The following CADM2 variants were observed in gnomAD, a reference collection of about 807,000 sequenced individuals.
The protein encoded by CADM2 is cell adhesion molecule 2.
CADM2 carries 12 observed loss-of-function variants against 49.8 expected under a neutral mutation model. The observed-to-expected ratio is 0.24, with a 90% CI of 0.15 to 0.39. The LOEUF (loss-of-function observed/expected upper bound fraction) is 0.39, where lower values mean the gene tolerates loss of function less well. Ranked by LOEUF, CADM2 falls within the 10% of genes least tolerant of loss-of-function variation. The pLI is 1.00. For synonymous variants in CADM2, 214 were observed against 175.4 expected (o/e 1.22, Z -1.74); for missense variants, 378 against 492.3 (o/e 0.77, Z 2.20).
intron 1 of CADM2, among the ~76,000 whole-genome samples, chr3:85,666,484 G>C (rs2065572948): frequency 6.6e-6 from 1 of 151,804 alleles, no homozygotes; most frequent in African/African-American, 2.4e-5. Flanking sequence ...TGTAACAAAA[G>C]AGAGATTAAG....
chr3:85,386,150 G>A (rs1372102438), intron 1 of CADM2, among the ~76,000 whole-genome samples: 1 of 152,088 alleles, frequency 6.6e-6, no homozygotes, highest in Non-Finnish European at 1.5e-5. Flanking sequence ...AGAGACCACA[G>A]GCCTCTGGAG....
intron 1 of CADM2, among the ~76,000 whole-genome samples, chr3:85,622,984 A>G (rs904164117): frequency 3.9e-5 from 6 of 152,134 alleles, no homozygotes; most frequent in African/African-American, 1.2e-4. Flanking sequence ...ATAGGTGAGT[A>G]TCAGAAGTGG....
intron 1 of CADM2, among the ~76,000 whole-genome samples, chr3:84,961,034 T>C (rs551720794): frequency 6.6e-6 from 1 of 152,306 alleles, no homozygotes; most frequent in South Asian, 2.1e-4. Flanking sequence ...TTTGCCTGCC[T>C]CTAATCCTTC....
chr3:86,066,469 T>C (rs1739355998), intron 9 of CADM2, among the ~76,000 whole-genome samples, 196 bp from the exon 10 acceptor site: 1 of 151,982 alleles, frequency 6.6e-6, no homozygotes, highest in Admixed American at 6.6e-5. Flanking sequence ...CTCTTGCCTG[T>C]AGTAAATCAA....
At chr3:85,813,862 T>C (rs2073040188) in intron 3 of CADM2, among the ~76,000 whole-genome samples, 1 of 152,132 alleles carries the variant, frequency 6.6e-6, no homozygotes, top group African/African-American at 2.4e-5. Context: ...TATGTGGTGT[T>C]ATCTCTGAGG....
At chr3:85,428,620 T>G in intron 1 of CADM2, among the ~76,000 whole-genome samples, 1 of 146,090 alleles carries the variant, frequency 6.8e-6, no homozygotes, top group Middle Eastern at 3.6e-3. Context: ...ATATATAAAA[T>G]ATTTACATAT....
chr3:85,780,295 T>A (rs2070572855), intron 2 of CADM2, among the ~76,000 whole-genome samples: 1 of 152,200 alleles, frequency 6.6e-6, no homozygotes, highest in African/African-American at 2.4e-5. Context: ...TCAGAGATGC[T>A]TTTCCTGAAG....
chr3:84,973,459 C>T (rs2031605752), intron 1 of CADM2, among the ~76,000 whole-genome samples: 2 of 151,082 alleles, frequency 1.3e-5, no homozygotes, highest in African/African-American at 4.9e-5. Flanking sequence ...ATTGTTAATA[C>T]AACTTGAAAG....
chr3:85,677,283 T>C (rs966881634), intron 1 of CADM2, among the ~76,000 whole-genome samples: 41 of 152,196 alleles, frequency 2.7e-4, no homozygotes, highest in African/African-American at 9.7e-4. Context: ...TTTAGCTTCA[T>C]TTAAAACAAT....
At chr3:85,926,865 G>C (rs1252365429) in intron 6 of CADM2, among the ~76,000 whole-genome samples, 1 of 152,148 alleles carries the variant, frequency 6.6e-6, no homozygotes, top group Non-Finnish European at 1.5e-5. Context: ...GATAGAGAAA[G>C]AGTTAATTCT....
At chr3:85,788,978 A>G (rs2071170399) in intron 2 of CADM2, among the ~76,000 whole-genome samples, 1 of 152,094 alleles carries the variant, frequency 6.6e-6, no homozygotes, top group African/African-American at 2.4e-5. Context: ...TTTCTTTACT[A>G]TATCAACCTT....
chr3:85,453,025 T>C (rs2037822455), intron 1 of CADM2, among the ~76,000 whole-genome samples: 1 of 152,152 alleles, frequency 6.6e-6, no homozygotes, highest in South Asian at 2.1e-4. Flanking sequence ...TAAAAATAAC[T>C]TCTTAAAGTG....
chr3:85,204,536 C>T (rs1310529113), intron 1 of CADM2, among the ~76,000 whole-genome samples: 4 of 152,096 alleles, frequency 2.6e-5, no homozygotes, highest in South Asian at 2.1e-4. Context: ...TACTTAGGCA[C>T]ATTTTGTCTC....
chr3:85,663,281 G>C (rs2065466699), intron 1 of CADM2, among the ~76,000 whole-genome samples: 1 of 151,946 alleles, frequency 6.6e-6, no homozygotes, highest in Non-Finnish European at 1.5e-5. Context: ...TAACACACAG[G>C]CTTGCTGCCT....
At chr3:85,684,936 A>G (rs1453141950) in intron 1 of CADM2, among the ~76,000 whole-genome samples, 2 of 152,168 alleles carry the variant, frequency 1.3e-5, no homozygotes, top group Admixed American at 6.5e-5. Context: ...AAGTCCCCAG[A>G]CAGCCACATC....
chr3:85,136,158 A>C (rs1337135248), intron 1 of CADM2, among the ~76,000 whole-genome samples: 1 of 151,980 alleles, frequency 6.6e-6, no homozygotes, highest in Non-Finnish European at 1.5e-5. Context: ...ATCACTTTTC[A>C]TGTTTAGTTA....
intron 1 of CADM2, among the ~76,000 whole-genome samples, chr3:85,172,905 T>C (rs2040666357): frequency 6.9e-6 from 1 of 145,420 alleles, no homozygotes; most frequent in African/African-American, 2.6e-5. Flanking sequence ...TTATATATTA[T>C]ATATAATATA....
At chr3:85,336,944 T>TATATATATTTAATATATATATTAA (rs1213159841) in intron 1 of CADM2, among the ~76,000 whole-genome samples, 32 of 50,476 alleles carry the variant, frequency 6.3e-4, no homozygotes, top group African/African-American at 1.0e-3. Flanking sequence ...GAACTAAATA[T>TATATATATTTAATATATATATTAA]ATATATATTT....
chr3:85,809,343 C>T (rs1004713991), intron 3 of CADM2, among the ~76,000 whole-genome samples: 5 of 152,086 alleles, frequency 3.3e-5, no homozygotes, highest in Non-Finnish European at 7.4e-5. Context: ...GTAATCCCAG[C>T]ACTTTGGGAG....
Sources: allele counts gnomAD v4.1 joint callset (sites outside exome capture counted in the v4.1 genomes callset), GRCh38; gene constraint gnomAD v4.1.1; transcripts MANE v1.5; gene names NCBI Gene and HGNC (gene_info 2026-07-23, HGNC 2026-07-21).